ZNF410: variants seen among roughly 807,000 people sequenced by gnomAD.
The protein encoded by ZNF410 is another partner for ARF 1.
Under a neutral mutation model 54.8 loss-of-function variants are expected in ZNF410, and 18 were observed. That is an observed-to-expected ratio of 0.33 (90% CI 0.23 to 0.49). The LOEUF is 0.49. ZNF410 is among the 20% of genes least tolerant of loss of function. ZNF410 has a pLI of 0.99. For synonymous variants in ZNF410, 191 were observed against 207.3 expected (o/e 0.92, Z 0.68); for missense variants, 405 against 569.6 (o/e 0.71, Z 2.94).
At chr14:73,913,554 G>T (rs959235431) in intron 8 of ZNF410, 3 of 152,170 alleles carry the variant, frequency 2.0e-5, no homozygotes, top group African/African-American at 7.2e-5. Context: ...CACAAGTTAT[G>T]CTATGCTATA....
At chr14:73,921,326 A>T (rs948858392) in intron 9 of ZNF410, 2 of 453,178 alleles carry the variant, frequency 4.4e-6, no homozygotes, top group Non-Finnish European at 7.6e-6. Context: ...CCCACCAATA[A>T]AACAAAGCAA....
At chr14:73,916,209 T>C (rs558697970) in intron 8 of ZNF410, 1 of 152,214 alleles carries the variant, frequency 6.6e-6, no homozygotes, top group African/African-American at 2.4e-5. Flanking sequence ...ATGAGCGATA[T>C]TGGTCTGTAA....
Position 73,900,183 on chromosome 14 carries a change from A to G in ZNF410, c.580+1921A>G, listed in dbSNP as rs1594749650. Reference sequence around the variant, plus strand: ...ACTCCAGCCTGGGCAACAAGAGCGAAACTTGGTCTCCCAAAAAAAAAAAAA... The same window carrying G: ...ACTCCAGCCTGGGCAACAAGAGCGAGACTTGGTCTCCCAAAAAAAAAAAAA... On this transcript the variant is annotated intron_variant, in intron 5 of 11. Coordinates refer to ENST00000555044, the MANE Select transcript of ZNF410 (RefSeq NM_021188.3). 2.0e-5 allele frequency among the ~76,000 whole-genome samples: 3 copies of G among 150,894 alleles called. No individual in the cohort carries two copies. In the East Asian group the frequency reaches 5.8e-4, roughly 29 times the overall value.
At chr14:73,907,126 G>A (rs2055501486) in intron 7 of ZNF410, among the ~76,000 whole-genome samples, 1 of 152,196 alleles carries the variant, frequency 6.6e-6, no homozygotes, top group Admixed American at 6.5e-5. Flanking sequence ...AGGAACAGAA[G>A]ATTAGAGAGA....
intron 4 of ZNF410, 162 bp downstream of exon 4, chr14:73,896,696 G>A: frequency 1.6e-6 from 1 of 622,472 alleles, no homozygotes; most frequent in Non-Finnish European, 2.8e-6. Context: ...GAGGGAGAGG[G>A]AGGACTCTAG....
rs1333069523 is a variant in ZNF410, at chr14:73,932,464, C to G, written c.*923C>G. ...CCAGGTGATAGTTACTCTGTCACCACCAAAAAAGACGCATCTGAGAAAATG... is the reference window on the plus strand; with the variant it reads ...CCAGGTGATAGTTACTCTGTCACCAGCAAAAAAGACGCATCTGAGAAAATG... On this transcript the variant is annotated 3_prime_UTR_variant, in exon 12 of 12. Coordinates refer to ENST00000555044, the MANE Select transcript of ZNF410 (RefSeq NM_021188.3). The G allele has an allele frequency of 6.6e-6, 3 of 454,610 alleles. No individual in the cohort carries two copies. The highest frequency in any genetic ancestry group is 1.3e-5 in the Non-Finnish European group (3 of 226,526). The allele number at this position is 454,610 out of a possible 1,614,324, so 28.2% of individuals were successfully genotyped here. A position where few individuals can be genotyped will look rare whatever the true frequency, so the allele number is the denominator to read the frequency against.
At chr14:73,893,118 C>T (rs539017144) in intron 2 of ZNF410, among the ~76,000 whole-genome samples, 40 of 152,018 alleles carry the variant, frequency 2.6e-4, no homozygotes, top group African/African-American at 8.0e-4. Flanking sequence ...TGGGTTAATG[C>T]GATAATTAAA....
intron 11 of ZNF410, among the ~76,000 whole-genome samples, chr14:73,929,006 T>C (rs1372703051): frequency 1.3e-5 from 2 of 152,146 alleles, no homozygotes; most frequent in African/African-American, 4.8e-5. Context: ...AGTTTCATAA[T>C]GGAAGCCCAA....
At chr14:73,897,661 A>C (rs2055339798) in intron 4 of ZNF410, among the ~76,000 whole-genome samples, 1 of 152,104 alleles carries the variant, frequency 6.6e-6, no homozygotes, top group South Asian at 2.1e-4. Flanking sequence ...GAAGGTCAGG[A>C]ATAGCTTATT....
intron 5 of ZNF410, among the ~76,000 whole-genome samples, chr14:73,901,842 G>T (rs2055412131): frequency 6.6e-6 from 1 of 151,184 alleles, no homozygotes; most frequent in African/African-American, 2.4e-5. Context: ...GCTGAGGTGG[G>T]AGGATCTCCT....
rs568073597 is a variant in ZNF410 at position 73,895,877 on chromosome 14, G to T, written c.170-439G>T. Among the ~76,000 whole-genome samples the T allele has an allele frequency of 4.6e-5, 7 of 152,256 alleles. No individual in the cohort carries two copies. The South Asian group carries it at 1.5e-3, about 32-fold the overall frequency. On this transcript the variant is annotated intron_variant, in intron 3 of 11. Coordinates refer to ENST00000555044, the MANE Select transcript of ZNF410 (RefSeq NM_021188.3). Reference sequence around the variant, plus strand: ...ATACAACCATAGGTAAAAAGGTAATGGCAAAAACTGCAATAGCTTTTGCAC... The same window carrying T: ...ATACAACCATAGGTAAAAAGGTAATTGCAAAAACTGCAATAGCTTTTGCAC...
intron 11 of ZNF410, among the ~76,000 whole-genome samples, chr14:73,925,147 T>TC (rs56125994): frequency 6.6e-6 from 1 of 152,078 alleles, no homozygotes; most frequent in African/African-American, 2.4e-5. Flanking sequence ...TTCTTTTTAT[T>TC]GTTGTGACCC....
At position 73,918,668 on chromosome 14, in the gene ZNF410, C is replaced by A. The variant is rs530558426; in HGVS notation, c.1004-2312C>A. ...CTTTCTGTGTCTGGATTTGCCTGTT[C>A]TGGACATTTCATATGGCCTTTTTTT... is the stretch of plus-strand genomic sequence containing the variant. On this transcript the variant is annotated intron_variant, in intron 8 of 11. Transcript: ENST00000555044. Among the ~76,000 whole-genome samples, 41 of 136,584 alleles carry A rather than the reference C, an allele frequency of 3.0e-4. No homozygotes were observed. In the South Asian group the frequency reaches 9.5e-3, roughly 32 times the overall value. The allele number at this position is 136,584 out of a possible 152,430, so 89.6% of individuals were successfully genotyped here.
In ZNF410 at chr14:73,904,020, A is replaced by T; in HGVS notation, c.641A>T (p.Gln214Leu). 1 of 1,614,174 alleles carries T rather than the reference A, an allele frequency of 6.2e-7. No homozygotes were observed. The highest frequency in any genetic ancestry group is 8.5e-7 in the Non-Finnish European group (1 of 1,180,038). ...GQSKDSGPLP[Q>L]VEKKLKCTVE... ...TCAAAAGATTCTGGGCCCCTTCCTC[A>T]AGTGGAAAAGAAGCTCAAGTGTACA... Residue 214 changes from glutamine to leucine, a missense_variant, in exon 6 of 12, where the codon CAA becomes CTA. This residue lies in a region of ZNF410 where 247 missense variants were observed against 342.8 expected (regional missense o/e 0.72). Transcript: ENST00000555044.
chr14:73,890,317 T>G (rs2055209513), intron 1 of ZNF410, among the ~76,000 whole-genome samples: 1 of 151,752 alleles, frequency 6.6e-6, no homozygotes. Context: ...GCCTCCCGAG[T>G]AGCTGGGATT....
chr14:73,928,496 G>A (rs1423937678), intron 11 of ZNF410, among the ~76,000 whole-genome samples: 1 of 152,182 alleles, frequency 6.6e-6, no homozygotes, highest in Non-Finnish European at 1.5e-5. Flanking sequence ...AGTAGGGTAT[G>A]ACGTGATCAG....
In ZNF410 at chr14:73,892,036, A is replaced by G. The variant is rs2055238165; in HGVS notation, c.-140A>G. On this transcript the variant is annotated 5_prime_UTR_variant, in exon 2 of 12. Transcript: ENST00000555044. ...TTTACCCCTATTCTAGGTTACATTG[A>G]TTACCCACCTAGTACAACATCTTAC... is the stretch of plus-strand genomic sequence containing the variant. 2.1e-6 allele frequency: 2 copies of G among 956,934 alleles called. No individual in the cohort carries two copies. Among genetic ancestry groups the G allele is most frequent in the South Asian group, 2.6e-5 (2 of 76,600 alleles). 59.3% of individuals were successfully genotyped at this position (956,934 alleles called of 1,614,324 possible).
At chr14:73,921,165 A>G in intron 9 of ZNF410, 60 bp downstream of exon 9, 16 of 1,599,272 alleles carry the variant, frequency 1.0e-5, no homozygotes, top group Non-Finnish European at 1.4e-5. Flanking sequence ...GAGCCAAATC[A>G]CTGTCCTGCC....
intron 7 of ZNF410, chr14:73,905,732 T>C (rs2055471012): frequency 6.6e-6 from 1 of 151,250 alleles, no homozygotes; most frequent in African/African-American, 2.4e-5. Flanking sequence ...ACTCTTAGAA[T>C]GTGTAACTAT....
Sources: gnomAD v4.1 joint callset for allele counts (sites outside exome capture counted in the v4.1 genomes callset) on GRCh38, gnomAD v4.1.1 for gene constraint, gnomAD v4.1.1 regional missense constraint, MANE v1.5 for transcripts, NCBI Gene and HGNC (gene_info 2026-07-23, HGNC 2026-07-21) for gene names.